NEMF: variants seen among roughly 807,000 people sequenced by gnomAD.
NEMF encodes the protein ribosome quality control complex subunit NEMF.
NEMF carries 89 observed loss-of-function variants against 162.2 expected under a neutral mutation model. The ratio of observed to expected loss-of-function variants is 0.55; its 90% confidence interval spans 0.46 to 0.65. The LOEUF (loss-of-function observed/expected upper bound fraction) is 0.65. Ranked by LOEUF, NEMF falls within the 30% of genes least tolerant of loss-of-function variation. The pLI is 0.00. For synonymous variants in NEMF, 421 were observed against 404.5 expected, an observed-to-expected ratio of 1.04 and a Z score of -0.49; for missense variants, 1,133 against 1,261.9, an observed-to-expected ratio of 0.90 and a Z score of 1.55.
At position 49,828,755 on chromosome 14, in the gene NEMF, T is replaced by C. The variant is rs776585002; in HGVS notation, c.1285A>G (p.Asn429Asp). The part of the protein sequence containing the change: ...EEDDDVDGDV[N>D]VEKNETEPPK... The stretch of plus-strand genomic sequence containing the variant: ...GGTTCAGTTTCATTTTTCTCAACAT[T>C]GACGTCACCATCAACATCATCATCT... Residue 429 changes from asparagine (N) to aspartate (D), a missense_variant, in exon 14 of 33, where the codon AAT becomes GAT. This residue lies in a region of NEMF where 582 missense variants were observed against 631.5 expected (regional missense o/e 0.92). Transcript: ENST00000298310. 6.3e-7 allele frequency: 1 copy of C among 1,574,934 alleles called. No homozygotes were observed. The highest frequency in any genetic ancestry group is 1.1e-5 in the South Asian group (1 of 87,254).
intron 20 of NEMF, 55 bp from the exon 21 acceptor site, chr14:49,802,782 CT>C (rs1368387774): frequency 7.2e-7 from 1 of 1,391,498 alleles, no homozygotes; most frequent in Non-Finnish European, 1.0e-6. Context: ...CCATTTTTTG[CT>C]TGTAAAACAA....
chr14:49,801,934 A>G (rs1890973971), intron 22 of NEMF, among the ~76,000 whole-genome samples: 1 of 151,630 alleles, frequency 6.6e-6, no homozygotes, highest in Admixed American at 6.6e-5. Context: ...AAAGTATGTT[A>G]GTATGGATCC....
In NEMF at chr14:49,784,962, G is replaced by A. The variant is rs533718357; in HGVS notation, c.3116C>T (p.Ala1039Val). Residue 1039 changes from alanine to valine, a missense_variant, in exon 32 of 33, where the codon GCA becomes GTA. By Grantham distance (64) the Ala-to-Val change is moderately conservative. This residue lies in a region of NEMF where 532 missense variants were observed against 578.6 expected (regional missense o/e 0.92). Coordinates refer to ENST00000298310, the MANE Select transcript of NEMF (RefSeq NM_004713.6). Reference protein sequence around the residue: ...ALNSFMHSKEATAREKDLFRS... With the variant: ...ALNSFMHSKEVTAREKDLFRS... The stretch of plus-strand genomic sequence containing the variant: ...GAATAAGTCTTTTTCTCTTGCTGTT[G>A]CTTCTTTGGAATGCATGAAACTATT... 31 of 1,613,792 alleles carry A rather than the reference G, an allele frequency of 1.9e-5. No homozygotes were observed. In the South Asian group the frequency reaches 2.5e-4, roughly 13 times the overall value.
chr14:49,783,179 T>C lies in NEMF; in HGVS notation c.*1457A>G. On this transcript the variant is annotated 3_prime_UTR_variant, in exon 33 of 33. Coordinates refer to ENST00000298310, the MANE Select transcript of NEMF (RefSeq NM_004713.6). ...TAAAGTAAAGTAATGGTTGGGCTTT[T>C]TACCCTGAAGAATGGTTGCTACATT... The C allele has an allele frequency of 5.7e-6, 2 of 349,624 alleles. No homozygotes were observed. Among genetic ancestry groups the C allele is most frequent in the Non-Finnish European group, 1.0e-5 (2 of 196,042 alleles). 21.7% of individuals were successfully genotyped at this position (349,624 alleles called of 1,614,324 possible). A position where few individuals can be genotyped will look rare whatever the true frequency, so the allele number is the denominator to read the frequency against.
At position 49,828,478 on chromosome 14, in the gene NEMF, A is replaced by G. The variant is rs1029846480; in HGVS notation, c.1425-124T>C. The G allele has an allele frequency of 6.0e-6, 6 of 995,576 alleles. No individual in the cohort carries two copies. The African/African-American group carries it at 1.0e-4, about 17-fold the overall frequency. 61.7% of individuals were successfully genotyped at this position (995,576 alleles called of 1,614,324 possible). The stretch of plus-strand genomic sequence containing the variant: ...ATCAGAACAAACTGTATAATTAACA[A>G]AACTAAATTTAAAAAAGTATTTTCA... On this transcript the variant is annotated intron_variant, in intron 14 of 32. Transcript: ENST00000298310.
intron 5 of NEMF, among the ~76,000 whole-genome samples, chr14:49,838,865 T>C (rs1240455736): frequency 6.6e-6 from 1 of 152,086 alleles, no homozygotes; most frequent in East Asian, 1.9e-4. Flanking sequence ...ATTACAGGCG[T>C]GAGACACCGT....
At chr14:49,800,342 G>A (rs977157452) in intron 23 of NEMF, 78 bp downstream of exon 23, 2 of 1,053,248 alleles carry the variant, frequency 1.9e-6, no homozygotes, top group Non-Finnish European at 2.7e-6. Context: ...TGTCAATCTT[G>A]GTATTATCTT....
chr14:49,782,305 C>G lies in NEMF; in HGVS notation c.*2331G>C. ...CTAGTCTTTATTTCATAGCTCTATT[C>G]TGTAGTATAAAATGGCCAACTGGTG... On this transcript the variant is annotated 3_prime_UTR_variant, in exon 33 of 33. Coordinates refer to ENST00000298310, the MANE Select transcript of NEMF (RefSeq NM_004713.6). 3 of 979,456 alleles carry G rather than the reference C, an allele frequency of 3.1e-6. No homozygotes were observed. The highest frequency in any genetic ancestry group is 1.4e-5 in the South Asian group (1 of 69,576). 60.7% of individuals were successfully genotyped at this position (979,456 alleles called of 1,614,324 possible).
intron 28 of NEMF, among the ~76,000 whole-genome samples, chr14:49,787,737 G>T (rs1023469815): frequency 6.6e-6 from 1 of 152,096 alleles, no homozygotes; most frequent in East Asian, 1.9e-4. Context: ...AACACCTCTA[G>T]TGAGTATTTG....
Position 49,832,204 on chromosome 14 carries a change from T to A in NEMF, c.806+3A>T. ...GCAAATTGACCCATGCCTATATGCT[T>A]ACGTCAGTATGTCTTCAACTGGTTT... On this transcript the variant is annotated splice_donor_region_variant and intron_variant, in intron 9 of 32. Transcript: ENST00000298310. 6.2e-7 allele frequency: 1 copy of A among 1,608,892 alleles called. No individual in the cohort carries two copies. Among genetic ancestry groups the A allele is most frequent in the South Asian group, 1.1e-5 (1 of 90,548 alleles).
chr14:49,803,343 G>A (rs773049315), intron 19 of NEMF, 49 bp from the exon 20 acceptor site: 1 of 1,331,584 alleles, frequency 7.5e-7, no homozygotes, highest in Non-Finnish European at 1.1e-6. Flanking sequence ...AAATACTCTA[G>A]TTTTCTTTTT....
At chr14:49,820,140 C>T (rs922741878) in intron 16 of NEMF, 1 of 227,234 alleles carries the variant, frequency 4.4e-6, no homozygotes, top group Non-Finnish European at 8.8e-6. Flanking sequence ...TTAGTAGAAA[C>T]GGGGGTTCAC....
chr14:49,849,631 A>C (rs989905259), intron 3 of NEMF: 3 of 152,220 alleles, frequency 2.0e-5, no homozygotes, highest in African/African-American at 7.2e-5. Flanking sequence ...TGACTGACCT[A>C]TTAGTGTAGT....
intron 3 of NEMF, chr14:49,849,482 A>G (rs550796080): frequency 6.6e-6 from 1 of 152,276 alleles, no homozygotes; most frequent in African/African-American, 2.4e-5. Context: ...AATAGACATA[A>G]CTCTGCCTGT....
At chr14:49,832,735 G>A (rs1335738465) in intron 8 of NEMF, among the ~76,000 whole-genome samples, 2 of 152,078 alleles carry the variant, frequency 1.3e-5, no homozygotes, top group African/African-American at 2.4e-5. Context: ...GCTTTGAAAA[G>A]GGAAGAAAAA....
chr14:49,838,550 C>T (rs1427763946), intron 5 of NEMF, among the ~76,000 whole-genome samples: 1 of 151,110 alleles, frequency 6.6e-6, no homozygotes, highest in Non-Finnish European at 1.5e-5. Context: ...AAATGGTTTA[C>T]CTAATTAAGC....
chr14:49,821,571 C>T (rs1418145299), intron 16 of NEMF, among the ~76,000 whole-genome samples: 2 of 91,758 alleles, frequency 2.2e-5, no homozygotes, highest in African/African-American at 7.9e-5. Context: ...CCAGCCGCCC[C>T]GTCCGGGAGG....
chr14:49,825,093 C>A (rs1416231926), intron 16 of NEMF, among the ~76,000 whole-genome samples: 4 of 151,930 alleles, frequency 2.6e-5, no homozygotes, highest in Non-Finnish European at 4.4e-5. Context: ...ATTAATAACT[C>A]CAGGGAAGAT....
chr14:49,824,586 G>C, intron 16 of NEMF, among the ~76,000 whole-genome samples: 1 of 145,970 alleles, frequency 6.9e-6, no homozygotes, highest in South Asian at 2.2e-4. Flanking sequence ...TATTTTCATA[G>C]AATTCTATAC....
Sources: allele counts gnomAD v4.1 joint callset (sites outside exome capture counted in the v4.1 genomes callset), GRCh38; gene constraint gnomAD v4.1.1; regional missense constraint gnomAD v4.1.1; transcripts MANE v1.5; gene names NCBI Gene and HGNC (gene_info 2026-07-23, HGNC 2026-07-21).